TANC2: variants seen among roughly 807,000 people sequenced by gnomAD.
TANC2 encodes the protein tetratricopeptide repeat, ankyrin repeat and coiled-coil containing 2.
A neutral mutation model predicts 210.5 loss-of-function variants in TANC2; 26 were observed. The ratio of observed to expected loss-of-function variants is 0.12; its 90% CI spans 0.09 to 0.17. TANC2 has a LOEUF of 0.17. TANC2 is among the 10% of genes least tolerant of loss of function. TANC2 has a pLI of 1.00. For missense variants in TANC2, 2,129 were observed against 2,608.9 expected, an observed-to-expected ratio of 0.82 and a Z score of 4.01; for synonymous variants, 931 against 967.1, an observed-to-expected ratio of 0.96 and a Z score of 0.69.
At chr17:63,145,152 T>C (rs1282685526) in intron 4 of TANC2, among the ~76,000 whole-genome samples, 1 of 152,166 alleles carries the variant, frequency 6.6e-6, no homozygotes, top group Non-Finnish European at 1.5e-5. Context: ...ATGTTGCTTA[T>C]GTCACCGTTG....
intron 4 of TANC2, among the ~76,000 whole-genome samples, chr17:63,142,681 A>G (rs546743493): frequency 6.6e-6 from 1 of 152,316 alleles, no homozygotes; most frequent in East Asian, 1.9e-4. Flanking sequence ...TTTTAAAGAC[A>G]TAAGCTGTGA....
chr17:63,324,955 C>T (rs919337976), intron 11 of TANC2, among the ~76,000 whole-genome samples: 1 of 151,390 alleles, frequency 6.6e-6, no homozygotes, highest in Non-Finnish European at 1.5e-5. Context: ...CCTCCTTGCC[C>T]TTGAATGAAA....
At chr17:63,108,909 A>T (rs1468155690) in intron 4 of TANC2, among the ~76,000 whole-genome samples, 1 of 151,592 alleles carries the variant, frequency 6.6e-6, no homozygotes, top group Non-Finnish European at 1.5e-5. Flanking sequence ...TTTTTCATTG[A>T]AAATCAAAAT....
rs993020157 is a variant in TANC2, at chr17:63,227,873, A to AT, written c.770-9933dup. Among the ~76,000 whole-genome samples, 657 of 151,594 alleles carry AT rather than the reference A, an allele frequency of 4.3e-3. 6 individuals are homozygous for AT. The highest frequency in any genetic ancestry group is 0.014 in the African/African-American group (571 of 41,340). ...TTATTTATTTATTTTTCATTTATTT[A>AT]TTTTTTTTGAGACAGAGTTTTGTTC... On this transcript the variant is annotated intron_variant, in intron 7 of 27. Coordinates refer to ENST00000689528, the Ensembl canonical transcript of TANC2.
intron 4 of TANC2, among the ~76,000 whole-genome samples, chr17:63,104,579 G>A (rs953357396): frequency 2.0e-5 from 3 of 152,060 alleles, no homozygotes; most frequent in Admixed American, 6.6e-5. Flanking sequence ...ATGTATGTGC[G>A]TACTATATGT....
chr17:63,160,751 C>G (rs1333894137), intron 5 of TANC2, among the ~76,000 whole-genome samples: 1 of 152,072 alleles, frequency 6.6e-6, no homozygotes, highest in African/African-American at 2.4e-5. Context: ...TACATTTCTT[C>G]CAGAAATGTA....
At chr17:63,112,889 T>C (rs1044236648) in intron 4 of TANC2, among the ~76,000 whole-genome samples, 2 of 152,184 alleles carry the variant, frequency 1.3e-5, no homozygotes, top group African/African-American at 4.8e-5. Context: ...AAATCCTTCA[T>C]TGTCCATCCT....
intron 3 of TANC2, among the ~76,000 whole-genome samples, chr17:63,096,281 T>C (rs572327216): frequency 6.6e-6 from 1 of 152,202 alleles, no homozygotes; most frequent in South Asian, 2.1e-4. Context: ...TTAGTCAGCA[T>C]AGTAAGTGAA....
intron 5 of TANC2, among the ~76,000 whole-genome samples, chr17:63,157,098 G>A (rs1016793508): frequency 2.6e-5 from 4 of 152,210 alleles, no homozygotes; most frequent in South Asian, 4.2e-4. Flanking sequence ...GAAGGGGATC[G>A]GGGACAATTG....
chr17:63,389,752 G>A, intron 17 of TANC2: 1 of 583,098 alleles, frequency 1.7e-6, no homozygotes, highest in Non-Finnish European at 3.0e-6. Context: ...CCCTTTGAGA[G>A]GTGCTTGGGA....
intron 2 of TANC2, among the ~76,000 whole-genome samples, chr17:63,012,678 G>T (rs1378964416): frequency 6.6e-6 from 1 of 152,020 alleles, no homozygotes; most frequent in Non-Finnish European, 1.5e-5. Context: ...TAGAGACAGG[G>T]TTTTGCTCTG....
At position 63,409,009 on chromosome 17, in the gene TANC2, G is replaced by A. The variant is rs78505192; in HGVS notation, c.3590-2502G>A. 5.5e-3 allele frequency among the ~76,000 whole-genome samples: 835 copies of A among 152,308 alleles called. 7 individuals are homozygous for A. The highest frequency in any genetic ancestry group is 0.018 in the African/African-American group (743 of 41,568). On this transcript the variant is annotated intron_variant, in intron 21 of 27. Transcript: ENST00000689528. ...AGACTGATTACAAAACAGCATGTCA[G>A]GTATGCTTGATCCTTTCAAGTGAAA... is the stretch of plus-strand genomic sequence containing the variant.
At chr17:63,101,223 C>T (rs888409559) in intron 4 of TANC2, among the ~76,000 whole-genome samples, 1 of 152,080 alleles carries the variant, frequency 6.6e-6, no homozygotes, top group African/African-American at 2.4e-5. Flanking sequence ...CTAATTATAT[C>T]TTGTTATAAG....
chr17:63,184,972 A>G (rs1598556488), intron 5 of TANC2, among the ~76,000 whole-genome samples: 1 of 148,516 alleles, frequency 6.7e-6, no homozygotes, highest in Non-Finnish European at 1.5e-5. Flanking sequence ...GTTCAGTAAT[A>G]CGGTTTTTTT....
At position 63,340,050 on chromosome 17, in the gene TANC2, A is replaced by G. The variant is rs2046175062; in HGVS notation, c.1576-51A>G. 6.1e-6 allele frequency: 8 copies of G among 1,320,256 alleles called. No homozygotes were observed. The Admixed American group carries it at 1.0e-4, about 17-fold the overall frequency. The allele number at this position is 1,320,256 out of a possible 1,614,324, so 81.8% of individuals were successfully genotyped here. On this transcript the variant is annotated intron_variant, in intron 11 of 27. Coordinates refer to ENST00000689528, the Ensembl canonical transcript of TANC2. ...CACTCAATAGCTGATAATCATAGCTATTGCTCTTACTACTGATAAGCCTGT... is the reference window on the plus strand; with the variant it reads ...CACTCAATAGCTGATAATCATAGCTGTTGCTCTTACTACTGATAAGCCTGT...
Position 63,384,887 on chromosome 17 carries a change from A to C in TANC2, c.2692-3748A>C, listed in dbSNP as rs151235779. Reference sequence around the variant, plus strand: ...TCAGCTGTTTTGTCTGTTTTAGTCTATTATAGTTGCTACTTTTTCAGCTAA... The same window carrying C: ...TCAGCTGTTTTGTCTGTTTTAGTCTCTTATAGTTGCTACTTTTTCAGCTAA... On this transcript the variant is annotated intron_variant, in intron 15 of 27. Coordinates refer to ENST00000689528, the Ensembl canonical transcript of TANC2. Among the ~76,000 whole-genome samples, 222 of 152,300 alleles carry C rather than the reference A, an allele frequency of 1.5e-3. 3 individuals are homozygous for C. In the East Asian group the frequency reaches 0.039, roughly 27 times the overall value.
chr17:63,202,798 C>A (rs1353602937), intron 7 of TANC2, among the ~76,000 whole-genome samples: 1 of 152,064 alleles, frequency 6.6e-6, no homozygotes, highest in Non-Finnish European at 1.5e-5. Context: ...TCATTGCAGC[C>A]ATACTATTAT....
At chr17:62,989,353 A>AT (rs1435377872) in intron 1 of TANC2, among the ~76,000 whole-genome samples, 4 of 152,226 alleles carry the variant, frequency 2.6e-5, no homozygotes, top group African/African-American at 9.6e-5. Context: ...TGCAGTAGAG[A>AT]AGTGTCGCTG....
chr17:63,318,609 T>C (rs999095132), intron 10 of TANC2, among the ~76,000 whole-genome samples: 4 of 152,262 alleles, frequency 2.6e-5, no homozygotes, highest in African/African-American at 9.6e-5. Flanking sequence ...TGGTCCTTTT[T>C]TTTACTGACC....
Sources: gnomAD v4.1 joint callset for allele counts (sites outside exome capture counted in the v4.1 genomes callset) on GRCh38, gnomAD v4.1.1 for gene constraint, MANE v1.5 for transcripts, NCBI Gene and HGNC (gene_info 2026-07-23, HGNC 2026-07-21) for gene names.